HOXC4: variants seen among roughly 807,000 people sequenced by gnomAD.
HOXC4 encodes homeobox C4.
In HOXC4, 15 loss-of-function variants were observed where a neutral mutation model predicts 25.5. The observed-to-expected ratio is 0.59, with a 90% CI of 0.39 to 0.91. HOXC4 has a LOEUF of 0.91. Among genes scored for constraint, HOXC4 ranks in the 40% least tolerant of loss-of-function variants. HOXC4 has a pLI of 0.00. For synonymous variants in HOXC4, 165 were observed against 148.0 expected, an observed-to-expected ratio of 1.11 and a Z score of -0.83; for missense variants, 342 against 352.4, an observed-to-expected ratio of 0.97 and a Z score of 0.24.
upstream of HOXC4, among the ~76,000 whole-genome samples, chr12:54,050,265 A>T (rs930748992): frequency 2.6e-5 from 4 of 152,200 alleles, no homozygotes; most frequent in Non-Finnish European, 4.4e-5. Context: ...TTCTTCAGCG[A>T]TGTCAGAAGG....
intron 1 of HOXC4, chr12:54,020,232 A>T (rs2136418037): frequency 6.6e-6 from 1 of 152,114 alleles, no homozygotes; most frequent in African/African-American, 2.4e-5. Context: ...TGGCTCAAGG[A>T]CTCTGCACAC....
intron 1 of HOXC4, chr12:54,019,874 C>G (rs896686557): frequency 4.6e-5 from 7 of 152,146 alleles, no homozygotes; most frequent in African/African-American, 1.7e-4. Context: ...CTCCCCCACC[C>G]CCATCCTATG....
intron 1 of HOXC4, chr12:54,047,646 G>C (rs1592246338): frequency 6.6e-6 from 1 of 152,578 alleles, no homozygotes; most frequent in East Asian, 1.9e-4. Flanking sequence ...CGGAGGAGGC[G>C]GCCAAGGTGC....
chr12:54,029,505 G>A (rs532334840), intron 1 of HOXC4: 2 of 711,016 alleles, frequency 2.8e-6, no homozygotes, highest in South Asian at 2.1e-5. Flanking sequence ...CCCAGTGGGG[G>A]TGGGGCAAGG....
intron 1 of HOXC4, among the ~76,000 whole-genome samples, chr12:54,046,517 C>G (rs1180866423): frequency 1.3e-5 from 2 of 151,984 alleles, no homozygotes; most frequent in East Asian, 3.9e-4. Context: ...ATTCCCAATC[C>G]CCTTCTCTCC....
chr12:54,023,817 C>T (rs1415108401), intron 1 of HOXC4, among the ~76,000 whole-genome samples: 2 of 152,156 alleles, frequency 1.3e-5, no homozygotes, highest in African/African-American at 4.8e-5. Context: ...GCTCAGACAG[C>T]TTCCCCCATC....
intron 1 of HOXC4, among the ~76,000 whole-genome samples, chr12:54,044,140 A>C (rs1249743296): frequency 1.3e-5 from 2 of 151,972 alleles, no homozygotes; most frequent in Non-Finnish European, 2.9e-5. Context: ...ACTTCTCAGG[A>C]AGTAGCATCT....
intron 1 of HOXC4, among the ~76,000 whole-genome samples, chr12:54,042,564 G>A (rs1183576551): frequency 6.6e-6 from 1 of 152,170 alleles, no homozygotes; most frequent in East Asian, 1.9e-4. Context: ...TTTGGACTGA[G>A]TTTTTGAGAG....
At chr12:54,022,289 C>T (rs944835783) in intron 1 of HOXC4, 3 of 152,174 alleles carry the variant, frequency 2.0e-5, no homozygotes, top group African/African-American at 7.2e-5. Context: ...ATTCTTCTCC[C>T]ACACTCCCTC....
chr12:54,053,865 G>A lies in HOXC4; in HGVS notation c.-58G>A, dbSNP rs1476963970. 2.2e-6 allele frequency: 3 copies of A among 1,394,822 alleles called. No homozygotes were observed. Among genetic ancestry groups the A allele is most frequent in the Non-Finnish European group, 3.0e-6 (3 of 996,760 alleles). The allele number at this position is 1,394,822 out of a possible 1,614,324, so 86.4% of individuals were successfully genotyped here. On this transcript the variant is annotated 5_prime_UTR_variant, in exon 1 of 2. Transcript: ENST00000430889. The stretch of plus-strand genomic sequence containing the variant: ...TACAGGGTCGCTAGCTAGTAGGAGG[G>A]CTTTATGGAGCAGAAAAACGACAAA...
chr12:54,046,831 C>T (rs563870677), intron 1 of HOXC4, among the ~76,000 whole-genome samples: 3 of 152,316 alleles, frequency 2.0e-5, no homozygotes, highest in African/African-American at 7.2e-5. Flanking sequence ...GCCTCACCTT[C>T]AATCCCTTGG....
chr12:54,055,213 C>T lies in HOXC4; in HGVS notation c.*8C>T. The T allele has an allele frequency of 2.6e-6, 4 of 1,515,428 alleles. No individual in the cohort carries two copies. Among genetic ancestry groups the T allele is most frequent in the Non-Finnish European group, 3.6e-6 (4 of 1,121,452 alleles). 93.9% of individuals were successfully genotyped at this position (1,515,428 alleles called of 1,614,324 possible). ...GACATTACCAGGTTATAAAACATAA[C>T]TCACACCCCTGCCCCCACCCCATGC... On this transcript the variant is annotated 3_prime_UTR_variant, in exon 2 of 2. Transcript: ENST00000430889.
chr12:54,054,755 T>G, intron 1 of HOXC4, 95 bp from the exon 2 acceptor site: 1 of 782,758 alleles, frequency 1.3e-6, no homozygotes, highest in Non-Finnish European at 2.1e-6. Context: ...CACCACTCCC[T>G]CCTCCTGTTT....
chr12:54,039,209 G>C (rs1941232573), intron 1 of HOXC4, among the ~76,000 whole-genome samples: 1 of 152,164 alleles, frequency 6.6e-6, no homozygotes, highest in African/African-American at 2.4e-5. Context: ...CCTTCCAGAA[G>C]GGGAGCATGC....
chr12:54,042,828 G>T (rs1363178305), intron 1 of HOXC4, among the ~76,000 whole-genome samples: 1 of 152,126 alleles, frequency 6.6e-6, no homozygotes, highest in Non-Finnish European at 1.5e-5. Flanking sequence ...ACTTTTATTG[G>T]CTCCTTGTGA....
At chr12:54,028,251 A>C in intron 1 of HOXC4, 1 of 131,564 alleles carries the variant, frequency 7.6e-6, no homozygotes, top group Non-Finnish European at 1.4e-5. Context: ...CCTTACATAT[A>C]TATATATATA....
chr12:54,047,297 C>T (rs1474355349), intron 1 of HOXC4, among the ~76,000 whole-genome samples: 1 of 152,232 alleles, frequency 6.6e-6, no homozygotes, highest in Non-Finnish European at 1.5e-5. Flanking sequence ...AATAATGGAG[C>T]ACAAAATAAT....
At chr12:54,054,603 T>G (rs551898008) in intron 1 of HOXC4, among the ~76,000 whole-genome samples, 1 of 152,272 alleles carries the variant, frequency 6.6e-6, no homozygotes, top group East Asian at 1.9e-4. Flanking sequence ...CTGTTATGTA[T>G]GTGTGAAAAC....
In HOXC4 at chr12:54,029,047, C is replaced by T. The variant is rs372116179; in HGVS notation, c.-124+11633C>T. 9 of 918,472 alleles carry T rather than the reference C, an allele frequency of 9.8e-6. 1 individual carries two copies. In the African/African-American group the frequency reaches 1.3e-4, roughly 14 times the overall value. 56.9% of individuals were successfully genotyped at this position (918,472 alleles called of 1,614,324 possible). A position where few individuals can be genotyped will look rare whatever the true frequency, so the allele number is the denominator to read the frequency against. On this transcript the variant is annotated intron_variant, in intron 1 of 3. Transcript: ENST00000303406. ...AAAAACAATCACGCTCGTCTCCTCA[C>T]CGAGACAGGGCCCCCTCTTCTGCCC...
Sources: gnomAD v4.1 joint callset for allele counts (sites outside exome capture counted in the v4.1 genomes callset) on GRCh38, gnomAD v4.1.1 for gene constraint, MANE v1.5 for transcripts, NCBI Gene and HGNC (gene_info 2026-07-23, HGNC 2026-07-21) for gene names.